Variants in LYPD6B observed in about 807,000 individuals in gnomAD.
LYPD6B encodes ly6/PLAUR domain-containing protein 6B.
In LYPD6B, 17 loss-of-function variants were observed where a neutral mutation model predicts 22.8. That is an observed-to-expected ratio of 0.75 (90% CI 0.51 to 1.12). The LOEUF (loss-of-function observed/expected upper bound fraction) is 1.12. LYPD6B is among the 50% of genes most tolerant of loss of function. The pLI is 0.00. For synonymous variants in LYPD6B, 106 were observed against 91.6 expected (o/e 1.16, Z -0.90); for missense variants, 221 against 258.3 (o/e 0.86, Z 0.99).
At chr2:149,050,229 A>G (rs1049762715) in intron 1 of LYPD6B, among the ~76,000 whole-genome samples, 3 of 150,552 alleles carry the variant, frequency 2.0e-5, no homozygotes, top group Non-Finnish European at 4.4e-5. Flanking sequence ...TGGAGCAATC[A>G]CCGATAGTTA....
At chr2:149,095,178 C>T (rs145531305) in intron 1 of LYPD6B, among the ~76,000 whole-genome samples, 4 of 152,282 alleles carry the variant, frequency 2.6e-5, no homozygotes, top group African/African-American at 7.2e-5. Flanking sequence ...TGCCTGTAAT[C>T]TCAGCTACTC....
At chr2:149,201,335 C>CA (rs1224203749) in intron 3 of LYPD6B, among the ~76,000 whole-genome samples, 2 of 152,120 alleles carry the variant, frequency 1.3e-5, no homozygotes, top group Non-Finnish European at 2.9e-5. Flanking sequence ...ACAAAATAAC[C>CA]TGAATGGCTT....
intron 3 of LYPD6B, among the ~76,000 whole-genome samples, chr2:149,196,955 C>T (rs771821906): frequency 1.3e-5 from 2 of 152,186 alleles, no homozygotes; most frequent in Non-Finnish European, 2.9e-5. Context: ...CTCCACTCAA[C>T]CAATGTCGAG....
At chr2:149,039,261 G>T (rs1682957748) in intron 1 of LYPD6B, among the ~76,000 whole-genome samples, 2 of 152,364 alleles carry the variant, frequency 1.3e-5, no homozygotes, top group African/African-American at 2.4e-5. Context: ...CTTCACGCGC[G>T]ACCAGCTTGG....
intron 1 of LYPD6B, among the ~76,000 whole-genome samples, chr2:149,056,457 G>A (rs1683799199): frequency 6.6e-6 from 1 of 152,168 alleles, no homozygotes; most frequent in Non-Finnish European, 1.5e-5. Flanking sequence ...GGGTCTCAAT[G>A]TGCTGTTGGA....
intron 5 of LYPD6B, among the ~76,000 whole-genome samples, chr2:149,210,538 G>C (rs777248028): frequency 6.6e-6 from 1 of 152,098 alleles, no homozygotes; most frequent in African/African-American, 2.4e-5. Context: ...ACCATTTCTC[G>C]GGGCAAATAG....
intron 1 of LYPD6B, among the ~76,000 whole-genome samples, chr2:149,051,454 C>T (rs1219704575): frequency 5.3e-5 from 8 of 152,100 alleles, no homozygotes; most frequent in Non-Finnish European, 1.0e-4. Flanking sequence ...CGTGAGCCAC[C>T]GCGCCCGGCC....
intron 4 of LYPD6B, among the ~76,000 whole-genome samples, chr2:149,207,834 A>G (rs1031301722): frequency 1.3e-5 from 2 of 152,118 alleles, no homozygotes; most frequent in Admixed American, 6.5e-5. Context: ...TACCTCTGCA[A>G]GTCATGGGGA....
chr2:149,115,650 G>A (rs890504458), intron 1 of LYPD6B, among the ~76,000 whole-genome samples: 1 of 152,178 alleles, frequency 6.6e-6, no homozygotes, highest in Non-Finnish European at 1.5e-5. Flanking sequence ...ATGTTTCACA[G>A]TTTAGAACTA....
intron 1 of LYPD6B, among the ~76,000 whole-genome samples, chr2:149,088,522 G>T (rs1266409158): frequency 1.3e-5 from 2 of 152,138 alleles, no homozygotes; most frequent in Non-Finnish European, 2.9e-5. Context: ...GGAAAGTGCT[G>T]CTCTCCAGGA....
intron 2 of LYPD6B, among the ~76,000 whole-genome samples, chr2:149,144,641 C>G (rs1688903593): frequency 6.6e-6 from 1 of 152,150 alleles, no homozygotes; most frequent in Non-Finnish European, 1.5e-5. Context: ...ATCCGCCCAC[C>G]TCAGCCTCCC....
chr2:149,121,254 A>C (rs1448554501), intron 1 of LYPD6B, among the ~76,000 whole-genome samples: 1 of 152,080 alleles, frequency 6.6e-6, no homozygotes, highest in Non-Finnish European at 1.5e-5. Flanking sequence ...TTTATTTCCT[A>C]AGGTATTGTT....
chr2:149,200,720 C>G (rs1451027246), intron 3 of LYPD6B: 1 of 152,158 alleles, frequency 6.6e-6, no homozygotes, highest in Non-Finnish European at 1.5e-5. Context: ...GTCCTTGATT[C>G]TGGTCAGTAA....
At chr2:149,188,492 C>T (rs529131586) in intron 3 of LYPD6B, among the ~76,000 whole-genome samples, 1 of 152,196 alleles carries the variant, frequency 6.6e-6, no homozygotes, top group Non-Finnish European at 1.5e-5. Flanking sequence ...AGAGTCATTA[C>T]TCATTCAGGA....
At chr2:149,096,452 G>A (rs1405627741) in intron 1 of LYPD6B, among the ~76,000 whole-genome samples, 3 of 152,168 alleles carry the variant, frequency 2.0e-5, no homozygotes, top group East Asian at 1.9e-4. Context: ...GAGACAAGTA[G>A]CAAATATACC....
intron 1 of LYPD6B, among the ~76,000 whole-genome samples, chr2:149,104,735 A>C (rs1686387109): frequency 1.3e-5 from 2 of 152,102 alleles, no homozygotes; most frequent in African/African-American, 2.4e-5. Flanking sequence ...ATTTATCAAA[A>C]TTTTTACTGG....
chr2:149,087,115 A>G (rs939999859), intron 1 of LYPD6B, among the ~76,000 whole-genome samples: 2 of 152,180 alleles, frequency 1.3e-5, no homozygotes, highest in Non-Finnish European at 2.9e-5. Flanking sequence ...AGCTCATAAC[A>G]GGAGCTAAAG....
At chr2:149,182,386 A>G (rs376309929) in intron 3 of LYPD6B, among the ~76,000 whole-genome samples, 1 of 152,266 alleles carries the variant, frequency 6.6e-6, no homozygotes, top group East Asian at 1.9e-4. Context: ...GTTTAATAGA[A>G]CTTTGATTTC....
intron 1 of LYPD6B, among the ~76,000 whole-genome samples, chr2:149,125,083 A>G (rs1291822372): frequency 6.6e-6 from 1 of 152,122 alleles, no homozygotes; most frequent in Non-Finnish European, 1.5e-5. Flanking sequence ...CCAGGAGGAA[A>G]TTGGGTTCTC....
Sources: gnomAD v4.1 joint callset for allele counts (sites outside exome capture counted in the v4.1 genomes callset) on GRCh38, gnomAD v4.1.1 for gene constraint, MANE v1.5 for transcripts, NCBI Gene and HGNC (gene_info 2026-07-23, HGNC 2026-07-21) for gene names.